The following TACC2 variants were observed in gnomAD, a reference collection of about 807,000 sequenced individuals.
TACC2 encodes the protein transforming acidic coiled-coil-containing protein 2.
Under a neutral mutation model 227.3 loss-of-function variants are expected in TACC2, and 137 were observed. The ratio of observed to expected loss-of-function variants is 0.60; its 90% CI spans 0.52 to 0.69. The LOEUF is 0.69. TACC2 is among the 30% of genes least tolerant of loss of function. TACC2 has a pLI of 0.00. For missense variants in TACC2, 3,470 were observed against 3,694.4 expected, an observed-to-expected ratio of 0.94 and a Z score of 1.57; for synonymous variants, 1,523 against 1,487.5, an observed-to-expected ratio of 1.02 and a Z score of -0.55.
intron 7 of TACC2, among the ~76,000 whole-genome samples, chr10:122,149,004 A>G (rs143247412): frequency 1.7e-3 from 260 of 152,360 alleles, no homozygotes; most frequent in Admixed American, 5.2e-3. Flanking sequence ...TTGTGGGGTC[A>G]GCAGGTCACC....
rs773457153 is a variant in TACC2, at chr10:122,086,608, A to T, written c.4108A>T (p.Thr1370Ser). 8 of 1,598,096 alleles carry T rather than the reference A, an allele frequency of 5.0e-6. No individual in the cohort carries two copies. Among genetic ancestry groups the T allele is most frequent in the South Asian group, 1.1e-5 (1 of 87,158 alleles). The change falls in exon 4 of 23, where the codon ACA becomes TCA. Residue 1370 changes from threonine (T) to serine (S), a missense_variant. Thr to Ser is a moderately conservative substitution (Grantham distance 58). Around this residue, in one of 10 missense-constraint regions of TACC2, gnomAD observed 1,924 missense variants for 1,978.3 expected, o/e 0.97. Coordinates refer to ENST00000369005, the MANE Select transcript of TACC2 (RefSeq NM_206862.4). Reference sequence around the variant, plus strand: ...CATGGCAGGTGATGCAGCAGGAGAGACAGAGGGCAGCATGGAGAGGATGGG... The same window carrying T: ...CATGGCAGGTGATGCAGCAGGAGAGTCAGAGGGCAGCATGGAGAGGATGGG... The part of the protein sequence containing the change: ...EGMAGDAAGE[T>S]EGSMERMGEP...
chr10:122,028,084 CT>C (rs59135261), intron 2 of TACC2, among the ~76,000 whole-genome samples: 45 of 91,728 alleles, frequency 4.9e-4, no homozygotes, highest in African/African-American at 1.1e-3. Flanking sequence ...TTCTTTCTTT[CT>C]TTTTTTTTTT....
intron 3 of TACC2, among the ~76,000 whole-genome samples, chr10:122,066,279 T>G (rs1350393486): frequency 2.0e-5 from 3 of 151,074 alleles, no homozygotes; most frequent in Non-Finnish European, 3.0e-5. Flanking sequence ...AGCTATTTTT[T>G]TTTTTTTTTT....
chr10:122,109,593 A>G (rs2083350887), intron 5 of TACC2, among the ~76,000 whole-genome samples: 1 of 152,220 alleles, frequency 6.6e-6, no homozygotes, highest in Non-Finnish European at 1.5e-5. Flanking sequence ...AAGAAGAATG[A>G]AGACTTTGAC....
intron 1 of TACC2, among the ~76,000 whole-genome samples, chr10:122,015,276 G>T (rs1359717956): frequency 2.0e-5 from 3 of 152,052 alleles, no homozygotes; most frequent in East Asian, 1.9e-4. Context: ...AGGCCGAGGT[G>T]GGGGGATCAC....
chr10:122,147,447 G>A (rs2091514540), intron 7 of TACC2, among the ~76,000 whole-genome samples: 1 of 152,134 alleles, frequency 6.6e-6, no homozygotes, highest in African/African-American at 2.4e-5. Flanking sequence ...GCCCCGCCAA[G>A]TTCCTTTTTT....
At chr10:122,176,419 G>T (rs914284062) in intron 7 of TACC2, among the ~76,000 whole-genome samples, 5 of 152,122 alleles carry the variant, frequency 3.3e-5, no homozygotes, top group South Asian at 4.1e-4. Context: ...TGCGCCCTCG[G>T]TTGGACAGTG....
At chr10:122,211,735 G>A (rs781622006) in intron 9 of TACC2, 27 bp downstream of exon 9, 1 of 1,520,296 alleles carries the variant, frequency 6.6e-7, no homozygotes, top group Non-Finnish European at 8.8e-7. Flanking sequence ...AGGTGGTAAG[G>A]ATCAGAGGCG....
intron 7 of TACC2, among the ~76,000 whole-genome samples, chr10:122,191,784 T>C (rs1454198618): frequency 6.6e-6 from 1 of 152,284 alleles, no homozygotes; most frequent in Non-Finnish European, 1.5e-5. Flanking sequence ...CTCTTTCTGC[T>C]ACATTTTTGT....
chr10:122,026,162 C>CAA (rs777120162), intron 2 of TACC2, among the ~76,000 whole-genome samples: 3 of 96,108 alleles, frequency 3.1e-5, no homozygotes, highest in Non-Finnish European at 4.2e-5. Context: ...ACTAAAAATC[C>CAA]AAAAAAAAAA....
chr10:122,031,601 C>T (rs1442962360), intron 2 of TACC2, among the ~76,000 whole-genome samples: 1 of 151,672 alleles, frequency 6.6e-6, no homozygotes, highest in African/African-American at 2.4e-5. Flanking sequence ...GATGGGGTTT[C>T]ACCGTGTTAG....
intron 7 of TACC2, chr10:122,192,915 T>G (rs1379581838): frequency 2.7e-6 from 1 of 375,540 alleles, no homozygotes; most frequent in African/African-American, 2.1e-5. Flanking sequence ...CTCGCCAGGC[T>G]GATCTGAACT....
In TACC2 at chr10:122,031,694, C is replaced by T. The variant is rs367574015; in HGVS notation, c.33+9680C>T. 2.9e-4 allele frequency among the ~76,000 whole-genome samples: 43 copies of T among 149,024 alleles called. No individual in the cohort carries two copies. In the East Asian group the frequency reaches 4.5e-3, roughly 16 times the overall value. ...CTGGGATTACAGGCGTGAGCCACCA[C>T]GCCTGGCCCAGCCTCCTTTTTCTTT... is the stretch of plus-strand genomic sequence containing the variant. On this transcript the variant is annotated intron_variant, in intron 2 of 22. Transcript: ENST00000369005.
chr10:122,199,114 A>G (rs973248390), intron 8 of TACC2, among the ~76,000 whole-genome samples: 2 of 152,204 alleles, frequency 1.3e-5, no homozygotes, highest in East Asian at 1.9e-4. Context: ...CTTGGAGGTA[A>G]TGGGGGCCTC....
chr10:122,230,439 A>C lies in TACC2; in HGVS notation c.8126A>C (p.Lys2709Thr), dbSNP rs758961340. Residue 2709 changes from lysine to threonine, a missense_variant and splice_region_variant, in exon 16 of 23, where the codon AAG becomes ACG. Coordinates refer to ENST00000369005, the MANE Select transcript of TACC2 (RefSeq NM_206862.4). ...GCTTCCCGCAGCCACCAGGATGCCA[A>C]GGTACCGGTTTGCTGCTGCGTGCGC... The part of the protein sequence containing the change: ...ALASRSHQDA[K>T]REAAHPTDVS... 1 of 1,614,116 alleles carries C rather than the reference A, an allele frequency of 6.2e-7. No individual in the cohort carries two copies.
At chr10:122,135,979 T>G (rs1592449591) in intron 6 of TACC2, among the ~76,000 whole-genome samples, 1 of 152,248 alleles carries the variant, frequency 6.6e-6, no homozygotes, top group South Asian at 2.1e-4. Context: ...CGAAAAGTTG[T>G]GCTTTAGAGA....
intron 5 of TACC2, among the ~76,000 whole-genome samples, chr10:122,105,933 A>ATT (rs2082719643): frequency 1.6e-5 from 2 of 121,866 alleles, no homozygotes; most frequent in South Asian, 3.1e-4. Context: ...TGTCATAAAC[A>ATT]TTTTCTCTCT....
Position 122,216,809 on chromosome 10 carries a change from A to G in TACC2, c.7527A>G (p.Lys2509=), listed in dbSNP as rs772504256. The part of the protein sequence containing the change: ...SDLSTFVNET[K]FSSPTEELDY... ...TGTCCACCTTTGTAAACGAGACCAA[A>G]TTCAGTTCACCCACTGAGGGTAAGC... is the stretch of plus-strand genomic sequence containing the variant. The change falls in exon 11 of 23, where the codon AAA becomes AAG. Residue 2509 remains lysine, a synonymous_variant. Coordinates refer to ENST00000369005, the MANE Select transcript of TACC2 (RefSeq NM_206862.4). 1.3e-5 allele frequency: 21 copies of G among 1,613,962 alleles called. No homozygotes were observed. Among genetic ancestry groups the G allele is most frequent in the Non-Finnish European group, 1.4e-5 (17 of 1,180,014 alleles).
intron 5 of TACC2, chr10:122,113,160 C>G (rs1415096987): frequency 6.6e-6 from 1 of 152,244 alleles, no homozygotes; most frequent in Non-Finnish European, 1.5e-5. Context: ...AACCCAGCGC[C>G]CCCGGGCTCT....
Sources: allele counts gnomAD v4.1 joint callset (sites outside exome capture counted in the v4.1 genomes callset), GRCh38; gene constraint gnomAD v4.1.1; regional missense constraint gnomAD v4.1.1; transcripts MANE v1.5; gene names NCBI Gene and HGNC (gene_info 2026-07-23, HGNC 2026-07-21).